The following BTAF1 variants were observed in gnomAD, a reference collection of about 807,000 sequenced individuals.
BTAF1 encodes B-TFIID TATA-box binding protein associated factor 1.
In BTAF1, 38 loss-of-function variants were observed where a neutral mutation model predicts 227.1. The observed-to-expected ratio is 0.17, with a 90% CI of 0.13 to 0.22. BTAF1 has a LOEUF of 0.22. Ranked by LOEUF, BTAF1 falls within the 10% of genes least tolerant of loss-of-function variation. BTAF1 has a pLI of 1.00. For synonymous variants in BTAF1, 742 were observed against 751.9 expected, an observed-to-expected ratio of 0.99 and a Z score of 0.21; for missense variants, 1,598 against 2,204.0, an observed-to-expected ratio of 0.73 and a Z score of 5.51.
chr10:91,962,794 A>C (rs900084142), intron 12 of BTAF1, 116 bp downstream of exon 12: 2 of 867,572 alleles, frequency 2.3e-6, no homozygotes, highest in African/African-American at 3.5e-5. Flanking sequence ...TTTTTTTTTA[A>C]CAACAGCCCT....
intron 35 of BTAF1, 54 bp downstream of exon 35, chr10:92,025,021 G>C: frequency 6.7e-7 from 1 of 1,483,094 alleles, no homozygotes; most frequent in South Asian, 1.2e-5. Context: ...TACTTACATA[G>C]AAGTTTGCCC....
In BTAF1 at chr10:92,027,277, C is replaced by G; in HGVS notation, c.5383C>G (p.Leu1795Val). ...SLQSMGTDQL[L>V]DLFTLDKDGK... is the part of the protein sequence containing the mutation. Reference sequence around the variant, plus strand: ...GCAGAGCATGGGGACTGATCAGCTTCTTGATCTGTTTACTCTTGATAAGGT... The same window carrying G: ...GCAGAGCATGGGGACTGATCAGCTTGTTGATCTGTTTACTCTTGATAAGGT... Residue 1795 changes from leucine to valine, a missense_variant, in exon 37 of 38, where the codon CTT becomes GTT. Physicochemically the swap from Leu to Val is conservative, Grantham distance 32. Around this residue, in one of 10 missense-constraint regions of BTAF1, gnomAD observed 79 missense variants for 97.9 expected, o/e 0.81. Transcript: ENST00000265990. 1.2e-6 allele frequency: 2 copies of G among 1,612,558 alleles called. No homozygotes were observed. The highest frequency in any genetic ancestry group is 1.7e-6 in the Non-Finnish European group (2 of 1,179,522).
intron 28 of BTAF1, 54 bp downstream of exon 28, chr10:92,009,262 A>G: frequency 6.5e-7 from 1 of 1,543,220 alleles, no homozygotes; most frequent in Non-Finnish European, 8.9e-7. Flanking sequence ...TAATTAAGAT[A>G]AGGAACAGTA....
Position 92,016,466 on chromosome 10 carries a change from G to A in BTAF1, c.4710+1G>A. On this transcript the variant is annotated splice_donor_variant, in intron 33 of 37. Coordinates refer to ENST00000265990, the MANE Select transcript of BTAF1 (RefSeq NM_003972.3). LOFTEE classifies it high-confidence loss of function. Reference sequence around the variant, plus strand: ...TAAAGCTACAGGCCACGTATTCCAGGTATAGATTACATTCTACTTTTTTTT... The same window carrying A: ...TAAAGCTACAGGCCACGTATTCCAGATATAGATTACATTCTACTTTTTTTT... 6.4e-7 allele frequency: 1 copy of A among 1,551,318 alleles called. No individual in the cohort carries two copies.
Position 91,923,990 on chromosome 10 carries a change from G to A in BTAF1, c.-87G>A, listed in dbSNP as rs1386077830. On this transcript the variant is annotated 5_prime_UTR_variant, in exon 1 of 38. Coordinates refer to ENST00000265990, the MANE Select transcript of BTAF1 (RefSeq NM_003972.3). ...CGCTCCCCTGTGCTCCGCGGCCTGG[G>A]CCTGCGCCGCTCAGCTCTCTGGAAA... The A allele has an allele frequency of 2.6e-6, 4 of 1,526,688 alleles. No homozygotes were observed. Among genetic ancestry groups the A allele is most frequent in the East Asian group, 4.9e-5 (2 of 40,452 alleles). The allele number at this position is 1,526,688 out of a possible 1,614,324, so 94.6% of individuals were successfully genotyped here. A position where few individuals can be genotyped will look rare whatever the true frequency, so the allele number is the denominator to read the frequency against.
intron 3 of BTAF1, 69 bp downstream of exon 3, chr10:91,940,135 T>C (rs546147301): frequency 6.2e-6 from 6 of 963,458 alleles, no homozygotes; most frequent in African/African-American, 1.6e-5. Context: ...ATATGCGTTT[T>C]GTATTTTAAT....
At chr10:91,937,903 G>A (rs1844745473) in intron 2 of BTAF1, among the ~76,000 whole-genome samples, 1 of 152,160 alleles carries the variant, frequency 6.6e-6, no homozygotes, top group African/African-American at 2.4e-5. Flanking sequence ...AGTAGTGTAT[G>A]AGAACTTAGA....
chr10:91,964,348 T>C, intron 13 of BTAF1, 147 bp downstream of exon 13: 1 of 911,672 alleles, frequency 1.1e-6, no homozygotes, highest in Non-Finnish European at 1.6e-6. Flanking sequence ...TCAGAAGGCC[T>C]TGTCTTTTTT....
rs1843653260 is a variant in BTAF1, at chr10:91,923,985, C to T, written c.-92C>T. The T allele has an allele frequency of 6.7e-7, 1 of 1,485,136 alleles. No homozygotes were observed. The highest frequency in any genetic ancestry group is 1.4e-5 in the African/African-American group (1 of 69,354). 92.0% of individuals were successfully genotyped at this position (1,485,136 alleles called of 1,614,324 possible). On this transcript the variant is annotated 5_prime_UTR_variant, in exon 1 of 38. Coordinates refer to ENST00000265990, the MANE Select transcript of BTAF1 (RefSeq NM_003972.3). ...CCGGCCGCTCCCCTGTGCTCCGCGG[C>T]CTGGGCCTGCGCCGCTCAGCTCTCT... is the stretch of plus-strand genomic sequence containing the variant.
intron 13 of BTAF1, among the ~76,000 whole-genome samples, chr10:91,964,686 A>G (rs1368955866): frequency 6.6e-6 from 1 of 152,138 alleles, no homozygotes; most frequent in Non-Finnish European, 1.5e-5. Flanking sequence ...ATAATGTAAT[A>G]TAATGTCCAA....
Position 92,031,147 on chromosome 10 carries a change from A to G in BTAF1, c.*2214A>G, listed in dbSNP as rs1851872412. On this transcript the variant is annotated 3_prime_UTR_variant, in exon 38 of 38. Transcript: ENST00000265990. ...GGTTTTTGTGTCTTTATGATAGGAA[A>G]TAGCAAACTGTTAAAAATATAGATT... is the stretch of plus-strand genomic sequence containing the variant. 6.6e-6 allele frequency among the ~76,000 whole-genome samples: 1 copy of G among 152,334 alleles called. No individual in the cohort carries two copies. Among genetic ancestry groups the G allele is most frequent in the Non-Finnish European group, 1.5e-5 (1 of 68,030 alleles).
intron 23 of BTAF1, 31 bp from the exon 24 acceptor site, chr10:91,996,338 A>G: frequency 6.3e-7 from 1 of 1,588,338 alleles, no homozygotes; most frequent in Non-Finnish European, 8.6e-7. Context: ...TTTCCTAATA[A>G]TTCTAATTGC....
Position 92,013,801 on chromosome 10 carries a change from A to G in BTAF1, c.4446A>G (p.Gln1482=). The G allele has an allele frequency of 6.2e-7, 1 of 1,613,998 alleles. No homozygotes were observed. The highest frequency in any genetic ancestry group is 1.3e-5 in the African/African-American group (1 of 75,062). The part of the protein sequence containing the change: ...SRDARSSSRE[Q]EAGVLAMDAL... The stretch of plus-strand genomic sequence containing the variant: ...ATGCTCGAAGCTCCAGTCGAGAGCA[A>G]GAAGCAGGTATGAAAGAGATATAAT... Residue 1482 remains glutamine, a synonymous_variant, in exon 31 of 38, where the codon CAA becomes CAG. Coordinates refer to ENST00000265990, the MANE Select transcript of BTAF1 (RefSeq NM_003972.3).
At chr10:92,000,713 A>G (rs1383010665) in intron 25 of BTAF1, among the ~76,000 whole-genome samples, 1 of 151,994 alleles carries the variant, frequency 6.6e-6, no homozygotes, top group East Asian at 1.9e-4. Flanking sequence ...GCTGGCCACC[A>G]TGCTAATTTT....
intron 21 of BTAF1, 69 bp from the exon 22 acceptor site, chr10:91,993,625 T>C (rs1848949168): frequency 9.9e-6 from 12 of 1,209,748 alleles, no homozygotes; most frequent in Non-Finnish European, 1.3e-5. Context: ...TTTAAATTCT[T>C]TTGTTAAAAT....
intron 32 of BTAF1, among the ~76,000 whole-genome samples, chr10:92,014,233 GT>G (rs1189359301): frequency 1.2e-4 from 17 of 147,366 alleles, no homozygotes; most frequent in South Asian, 4.3e-4. Flanking sequence ...TGCTTTTTAA[GT>G]TTTTTTTTTT....
intron 4 of BTAF1, among the ~76,000 whole-genome samples, chr10:91,950,135 A>G (rs1845647774): frequency 1.2e-5 from 1 of 86,716 alleles, no homozygotes; most frequent in Non-Finnish European, 2.2e-5. Context: ...AGAGTGAGAG[A>G]CCTTGTCCTT....
chr10:91,953,604 GA>G, intron 5 of BTAF1, 132 bp from the exon 6 acceptor site: 1 of 977,816 alleles, frequency 1.0e-6, no homozygotes, highest in South Asian at 1.8e-5. Flanking sequence ...AAAAGAGTGT[GA>G]ACCTGTCAAA....
chr10:91,982,838 A>C (rs1848161585), intron 18 of BTAF1, 77 bp downstream of exon 18: 3 of 1,383,360 alleles, frequency 2.2e-6, no homozygotes, highest in Non-Finnish European at 2.9e-6. Context: ...TATTTACAAC[A>C]GAAAAGTGAA....
Sources: gnomAD v4.1 joint callset for allele counts (sites outside exome capture counted in the v4.1 genomes callset) on GRCh38, gnomAD v4.1.1 for gene constraint, gnomAD v4.1.1 regional missense constraint, MANE v1.5 for transcripts, NCBI Gene and HGNC (gene_info 2026-07-23, HGNC 2026-07-21) for gene names.